PITPNC1: variants seen among roughly 807,000 people sequenced by gnomAD.
PITPNC1 encodes the protein phosphatidylinositol transfer protein cytoplasmic 1, also known as cytoplasmic phosphatidylinositol transfer protein 1.
PITPNC1 carries 18 observed loss-of-function variants against 44.7 expected under a neutral mutation model. The observed-to-expected ratio is 0.40, with a 90% CI of 0.28 to 0.60. The LOEUF is 0.60. Among genes scored for constraint, PITPNC1 ranks in the 20% least tolerant of loss-of-function variants. PITPNC1 has a pLI of 0.39. For synonymous variants in PITPNC1, 141 were observed against 149.6 expected (o/e 0.94, Z 0.42); for missense variants, 290 against 418.4 (o/e 0.69, Z 2.68).
intron 2 of PITPNC1, among the ~76,000 whole-genome samples, chr17:67,540,022 G>A (rs954658014): frequency 5.9e-5 from 9 of 152,180 alleles, no homozygotes; most frequent in African/African-American, 2.2e-4. Context: ...CTTTGAGGAG[G>A]GAGAGGAATG....
At position 67,624,230 on chromosome 17, in the gene PITPNC1, T is replaced by TC. The variant is rs398031394; in HGVS notation, c.367-7911dup. 8.4e-4 allele frequency among the ~76,000 whole-genome samples: 123 copies of TC among 147,192 alleles called. 1 individual carries two copies. Among genetic ancestry groups the TC allele is most frequent in the Admixed American group, 2.1e-3 (30 of 14,536 alleles). On this transcript the variant is annotated intron_variant, in intron 5 of 8. Coordinates refer to ENST00000581322, the MANE Select transcript of PITPNC1 (RefSeq NM_012417.4). Reference sequence around the variant, plus strand: ...CTTTCTTTTCTTTTTTTTTTTTTTTTCCTCAGGGTTTCACTCTGTCACCCA... The same window carrying TC: ...CTTTCTTTTCTTTTTTTTTTTTTTTTCCCTCAGGGTTTCACTCTGTCACCCA...
chr17:67,407,702 C>T (rs2038420540), intron 1 of PITPNC1, among the ~76,000 whole-genome samples: 1 of 151,628 alleles, frequency 6.6e-6, no homozygotes, highest in African/African-American at 2.4e-5. Context: ...AGGCATCAAC[C>T]TGAATCGCTT....
intron 4 of PITPNC1, among the ~76,000 whole-genome samples, chr17:67,573,416 A>T (rs1324363134): frequency 1.3e-5 from 2 of 151,934 alleles, no homozygotes; most frequent in Admixed American, 6.6e-5. Context: ...GCTGCTCAGG[A>T]TGGAGGAGTT....
chr17:67,384,423 G>GTT (rs1348370256), intron 1 of PITPNC1, among the ~76,000 whole-genome samples: 2 of 129,810 alleles, frequency 1.5e-5, no homozygotes, highest in Non-Finnish European at 3.4e-5. Flanking sequence ...AGTGTTCCTT[G>GTT]TTCTCTTTTT....
rs904272748 is a variant in PITPNC1 at position 67,632,216 on chromosome 17, A to C, written c.440A>C (p.Glu147Ala). The C allele has an allele frequency of 7.5e-6, 12 of 1,608,666 alleles. No homozygotes were observed. The highest frequency in any genetic ancestry group is 6.7e-5 in the East Asian group (3 of 44,844). Reference protein sequence around the residue: ...FIDIACDEIPERYYKESEDPK... With the variant: ...FIDIACDEIPARYYKESEDPK... Reference sequence around the variant, plus strand: ...GATATTGCCTGCGATGAAATTCCAGAGCGCTACTACAAAGAATCTGAGGTA... The same window carrying C: ...GATATTGCCTGCGATGAAATTCCAGCGCGCTACTACAAAGAATCTGAGGTA... Residue 147 changes from glutamate to alanine, a missense_variant, in exon 6 of 9, where the codon GAG (glutamate) becomes GCG (alanine). Glu to Ala is a moderately radical substitution (Grantham distance 107). Transcript: ENST00000581322.
chr17:67,629,862 C>T (rs2041944109), intron 5 of PITPNC1, among the ~76,000 whole-genome samples: 2 of 152,186 alleles, frequency 1.3e-5, no homozygotes, highest in African/African-American at 2.4e-5. Flanking sequence ...AAGAACCAAT[C>T]TTTCTCTGAC....
chr17:67,398,605 C>G lies in PITPNC1; in HGVS notation c.48+20403C>G, dbSNP rs2038257810. 1.3e-5 allele frequency among the ~76,000 whole-genome samples: 2 copies of G among 152,048 alleles called. 1 individual carries two copies. The highest frequency in any genetic ancestry group is 4.8e-5 in the African/African-American group (2 of 41,384). ...TCTCATCGATTTGCTGAGCATACTT[C>G]TCAGCTGTAATGGTTTCCCCAGGAT... On this transcript the variant is annotated intron_variant, in intron 1 of 8. Coordinates refer to ENST00000581322, the MANE Select transcript of PITPNC1 (RefSeq NM_012417.4).
intron 1 of PITPNC1, among the ~76,000 whole-genome samples, chr17:67,453,997 C>T (rs531065552): frequency 4.1e-4 from 62 of 152,170 alleles, no homozygotes; most frequent in Admixed American, 3.5e-3. Context: ...CGTCGGTAAT[C>T]GCCAGCATTT....
chr17:67,633,626 C>T (rs547466035), intron 6 of PITPNC1, among the ~76,000 whole-genome samples: 14 of 152,216 alleles, frequency 9.2e-5, no homozygotes, highest in Non-Finnish European at 1.8e-4. Context: ...GAAAGTTAAA[C>T]GCTCCCTACG....
chr17:67,424,302 C>G (rs946298137), intron 1 of PITPNC1, among the ~76,000 whole-genome samples: 2 of 152,092 alleles, frequency 1.3e-5, no homozygotes, highest in Admixed American at 6.6e-5. Context: ...GATGTAGGCA[C>G]TATGTCACCA....
chr17:67,683,162 C>CAAAAAAAAAAAAA (rs901577194), intron 8 of PITPNC1, among the ~76,000 whole-genome samples: 1 of 41,526 alleles, frequency 2.4e-5, no homozygotes, highest in African/African-American at 7.4e-5. Flanking sequence ...AACTGAGTCT[C>CAAAAAAAAAAAAA]AAAAAAAAAA....
At chr17:67,415,681 A>G (rs569904723) in intron 1 of PITPNC1, among the ~76,000 whole-genome samples, 28 of 152,340 alleles carry the variant, frequency 1.8e-4, no homozygotes, top group African/African-American at 6.7e-4. Flanking sequence ...GGCCTTGGCG[A>G]TGCCCTTAAT....
At chr17:67,599,012 ATATATATATATATATATATATATTTT>A (rs1184923470) in intron 5 of PITPNC1, among the ~76,000 whole-genome samples, 5 of 18,976 alleles carry the variant, frequency 2.6e-4, no homozygotes, top group Non-Finnish European at 6.8e-4. Context: ...ATATATATAT[ATATATATATATATATATATATATTTT>A]TTTTTTTTTT....
intron 4 of PITPNC1, among the ~76,000 whole-genome samples, chr17:67,572,941 G>A (rs572571350): frequency 2.0e-5 from 3 of 152,274 alleles, no homozygotes; most frequent in East Asian, 3.9e-4. Flanking sequence ...CCCACTCCCG[G>A]TGCCACCAAC....
chr17:67,553,498 T>C, intron 3 of PITPNC1, 112 bp from the exon 4 acceptor site: 1 of 477,004 alleles, frequency 2.1e-6, no homozygotes, highest in Non-Finnish European at 3.8e-6. Flanking sequence ...GTAATTATAG[T>C]TCGTCAGTAT....
chr17:67,560,433 A>G (rs934845338), intron 4 of PITPNC1, among the ~76,000 whole-genome samples: 1 of 152,250 alleles, frequency 6.6e-6, no homozygotes, highest in Non-Finnish European at 1.5e-5. Flanking sequence ...ATCAGGTGAC[A>G]CAGAACCCGT....
rs577985901 is a variant in PITPNC1 at position 67,534,754 on chromosome 17, T to A, written c.197+1804T>A. Among the ~76,000 whole-genome samples the A allele has an allele frequency of 2.0e-5, 3 of 152,216 alleles. No individual in the cohort carries two copies. In the South Asian group the frequency reaches 6.2e-4, roughly 32 times the overall value. On this transcript the variant is annotated intron_variant, in intron 2 of 8. Coordinates refer to ENST00000581322, the MANE Select transcript of PITPNC1 (RefSeq NM_012417.4). ...CTTACGTCAGCCATTTCATGAATAC[T>A]TTTACCCCTACCTGTGGCCTCTCCG...
At chr17:67,592,817 A>C (rs2041410200) in intron 5 of PITPNC1, among the ~76,000 whole-genome samples, 1 of 152,236 alleles carries the variant, frequency 6.6e-6, no homozygotes, top group South Asian at 2.1e-4. Context: ...CAAGAGGATC[A>C]CTTGAGTCCA....
rs111729690 is a variant in PITPNC1 at position 67,391,061 on chromosome 17, G to C, written c.48+12859G>C. On this transcript the variant is annotated intron_variant, in intron 1 of 8. Coordinates refer to ENST00000581322, the MANE Select transcript of PITPNC1 (RefSeq NM_012417.4). ...AGATTGATCTAATGACTTTTTTAGC[G>C]TGTGTGTGTGTGTGTGTGTGTGTGT... Among the ~76,000 whole-genome samples the C allele has an allele frequency of 9.8e-5, 7 of 71,680 alleles. 1 individual carries two copies. The highest frequency in any genetic ancestry group is 7.0e-4 in the African/African-American group (7 of 9,946). The allele number at this position is 71,680 out of a possible 152,430, so 47.0% of individuals were successfully genotyped here.
Sources: gnomAD v4.1 joint callset for allele counts (sites outside exome capture counted in the v4.1 genomes callset) on GRCh38, gnomAD v4.1.1 for gene constraint, MANE v1.5 for transcripts, NCBI Gene and HGNC (gene_info 2026-07-23, HGNC 2026-07-21) for gene names.